The following RAB3GAP1 variants were observed in gnomAD, a reference collection of about 807,000 sequenced individuals.
RAB3GAP1 encodes the protein rab3 GTPase-activating protein catalytic subunit.
A neutral mutation model predicts 130.7 loss-of-function variants in RAB3GAP1; 86 were observed. The observed-to-expected ratio is 0.66, with a 90% confidence interval of 0.55 to 0.79. RAB3GAP1 has a LOEUF of 0.79. Among genes scored for constraint, RAB3GAP1 ranks in the 30% least tolerant of loss-of-function variants. The pLI, the probability that RAB3GAP1 is intolerant of heterozygous loss-of-function variation, is 0.00. For missense variants in RAB3GAP1, 1,029 were observed against 1,169.4 expected, an observed-to-expected ratio of 0.88 and a Z score of 1.75; for synonymous variants, 367 against 401.7, an observed-to-expected ratio of 0.91 and a Z score of 1.03.
At chr2:135,154,604 G>A (rs1052230922) in intron 19 of RAB3GAP1, among the ~76,000 whole-genome samples, 8 of 152,160 alleles carry the variant, frequency 5.3e-5, no homozygotes, top group Admixed American at 2.0e-4. Context: ...AAGAAAAAGA[G>A]CCAAGAGATA....
chr2:135,094,443 T>C (rs1690233627), intron 5 of RAB3GAP1, among the ~76,000 whole-genome samples: 1 of 152,224 alleles, frequency 6.6e-6, no homozygotes, highest in African/African-American at 2.4e-5. Context: ...AAATTATTGT[T>C]AACTATAGGC....
Position 135,133,962 on chromosome 2 carries a change from AG to A in RAB3GAP1, c.1429del (p.Val477TrpfsTer21). 6.2e-7 allele frequency: 1 copy of A among 1,613,960 alleles called. No homozygotes were observed. Among genetic ancestry groups the A allele is most frequent in the South Asian group, 1.1e-5 (1 of 91,084 alleles). ...ATTTTTACCATGGAGGGTTGAAAGG[AG>A]TGGCACACCTCTGGCAGGAATTTGT... ...INFYHGGLKG[V>X]AHLWQEFVLE... is the part of the protein sequence containing the mutation. On this transcript the variant is annotated frameshift_variant, in exon 15 of 24. Transcript: ENST00000264158. LOFTEE classifies it high-confidence loss of function.
intron 2 of RAB3GAP1, 135 bp from the exon 3 acceptor site, chr2:135,057,876 G>A: frequency 3.0e-6 from 2 of 673,678 alleles, no homozygotes; most frequent in South Asian, 3.5e-5. Flanking sequence ...CATAAATTAA[G>A]CTAGCAATAC....
At chr2:135,082,287 T>G (rs13382441) in intron 3 of RAB3GAP1, among the ~76,000 whole-genome samples, 1,526 of 152,284 alleles carry the variant, frequency 0.01, 20 homozygotes, top group African/African-American at 0.034. Context: ...TAATCAATTT[T>G]AGAATATTTT....
intron 5 of RAB3GAP1, among the ~76,000 whole-genome samples, chr2:135,097,324 T>C (rs1224473715): frequency 1.3e-5 from 2 of 152,046 alleles, no homozygotes; most frequent in Non-Finnish European, 2.9e-5. Context: ...CAAGTGATCC[T>C]TCTGCCTCAG....
chr2:135,168,812 G>T lies in RAB3GAP1; in HGVS notation c.*31G>T. 1 of 1,583,174 alleles carries T rather than the reference G, an allele frequency of 6.3e-7. No homozygotes were observed. The highest frequency in any genetic ancestry group is 1.1e-5 in the South Asian group (1 of 90,380). On this transcript the variant is annotated 3_prime_UTR_variant, in exon 24 of 24. Coordinates refer to ENST00000264158, the MANE Select transcript of RAB3GAP1 (RefSeq NM_012233.3). ...CTAGCATTACTCGTTGGTGGCTTCA[G>T]AGACAGTGCTGCCTCCTCCTGAGGG... is the stretch of plus-strand genomic sequence containing the variant.
chr2:135,079,856 G>A (rs975819778), intron 3 of RAB3GAP1, among the ~76,000 whole-genome samples: 17 of 152,202 alleles, frequency 1.1e-4, no homozygotes, highest in Non-Finnish European at 1.9e-4. Flanking sequence ...TTGGCTGGGC[G>A]CGGTGGCTCA....
At chr2:135,085,428 A>T (rs551403839) in intron 3 of RAB3GAP1, among the ~76,000 whole-genome samples, 1 of 152,312 alleles carries the variant, frequency 6.6e-6, no homozygotes, top group South Asian at 2.1e-4. Flanking sequence ...TTTTAGGAAG[A>T]TAACCACGTG....
chr2:135,062,194 A>C (rs762770383), intron 3 of RAB3GAP1, among the ~76,000 whole-genome samples: 4 of 152,158 alleles, frequency 2.6e-5, no homozygotes, highest in Non-Finnish European at 5.9e-5. Context: ...GATTACGGGC[A>C]TGAGGCACTG....
chr2:135,130,635 G>C lies in RAB3GAP1; in HGVS notation c.1150G>C (p.Val384Leu). 6.2e-7 allele frequency: 1 copy of C among 1,613,570 alleles called. No homozygotes were observed. Among genetic ancestry groups the C allele is most frequent in the Non-Finnish European group, 8.5e-7 (1 of 1,179,624 alleles). The change falls in exon 13 of 24, where the codon GTA (valine) becomes CTA (leucine). Residue 384 changes from valine to leucine, a missense_variant. Physicochemically the swap from Val to Leu is conservative, Grantham distance 32. Coordinates refer to ENST00000264158, the MANE Select transcript of RAB3GAP1 (RefSeq NM_012233.3). ...TCATAAATTATCAGTTTCAAATATG[G>C]TACACACTGCAAAGAAGAAAATCCG... ...PIHKLSVSNM[V>L]HTAKKKIRKH...
At chr2:135,081,327 A>AAATAT (rs1363481112) in intron 3 of RAB3GAP1, among the ~76,000 whole-genome samples, 12 of 64,042 alleles carry the variant, frequency 1.9e-4, no homozygotes, top group East Asian at 1.1e-3. Flanking sequence ...AAAAAAAAAA[A>AAATAT]ATATATATAT....
At chr2:135,058,279 TGTTTAATAAA>T (rs2104822415) in intron 3 of RAB3GAP1, 193 bp downstream of exon 3, 3 of 564,992 alleles carry the variant, frequency 5.3e-6, no homozygotes, top group South Asian at 4.0e-5. Flanking sequence ...ATTTGTGAAA[TGTTTAATAAA>T]GTTATATATA....
chr2:135,135,414 G>C (rs778122984), intron 16 of RAB3GAP1, 95 bp downstream of exon 16: 4 of 1,446,596 alleles, frequency 2.8e-6, no homozygotes, highest in Admixed American at 1.7e-5. Context: ...CTGTTCTCAT[G>C]GTGCTGCTGT....
chr2:135,057,186 CACTTAT>C (rs1294520440), intron 2 of RAB3GAP1, among the ~76,000 whole-genome samples: 7 of 152,264 alleles, frequency 4.6e-5, no homozygotes, highest in East Asian at 1.9e-4. Context: ...TAAGACCTGT[CACTTAT>C]ACTTAAAGTT....
At chr2:135,139,088 T>G (rs556237007) in intron 17 of RAB3GAP1, among the ~76,000 whole-genome samples, 2 of 152,320 alleles carry the variant, frequency 1.3e-5, no homozygotes, top group South Asian at 4.1e-4. Flanking sequence ...TGATTTTTCT[T>G]TTAGGTTGCT....
At chr2:135,168,500 T>C in intron 23 of RAB3GAP1, 45 bp from the exon 24 acceptor site, 2 of 1,465,578 alleles carry the variant, frequency 1.4e-6, no homozygotes, top group South Asian at 2.3e-5. Flanking sequence ...CATCTGAGTT[T>C]AGCATTTGAC....
chr2:135,118,739 T>G (rs1691102799), intron 7 of RAB3GAP1, among the ~76,000 whole-genome samples: 1 of 152,160 alleles, frequency 6.6e-6, no homozygotes, highest in East Asian at 1.9e-4. Flanking sequence ...AGTCTCTTGC[T>G]CTGTAGTAAT....
At chr2:135,092,754 T>G (rs1255524398) in intron 4 of RAB3GAP1, among the ~76,000 whole-genome samples, 2 of 152,218 alleles carry the variant, frequency 1.3e-5, no homozygotes, top group Admixed American at 6.5e-5. Flanking sequence ...GAATGAATTT[T>G]AAGCTAGTTA....
At chr2:135,102,656 A>G (rs1295685849) in intron 5 of RAB3GAP1, among the ~76,000 whole-genome samples, 1 of 152,162 alleles carries the variant, frequency 6.6e-6, no homozygotes, top group African/African-American at 2.4e-5. Flanking sequence ...GGTCACCACA[A>G]AGGAACAGTC....
Sources: allele counts gnomAD v4.1 joint callset (sites outside exome capture counted in the v4.1 genomes callset), GRCh38; gene constraint gnomAD v4.1.1; transcripts MANE v1.5; gene names NCBI Gene and HGNC (gene_info 2026-07-23, HGNC 2026-07-21).